Variants in F7 observed in about 807,000 individuals in gnomAD.
The protein encoded by F7 is FVII coagulation protein.
F7 carries 38 observed loss-of-function variants against 47.5 expected under a neutral mutation model. That is an observed-to-expected ratio of 0.80 (90% confidence interval 0.62 to 1.05). The LOEUF is 1.05. F7 is among the 50% of genes least tolerant of loss of function. The probability of loss-of-function intolerance (pLI) is 0.00; values close to 1 mark genes in which losing one functional copy is unlikely to be tolerated. For missense variants in F7, 575 were observed against 605.4 expected (o/e 0.95, Z 0.53); for synonymous variants, 244 against 258.5 (o/e 0.94, Z 0.54).
In F7 at chr13:113,118,879, G is replaced by T; in HGVS notation, c.1206G>T (p.Trp402Cys). 6.2e-7 allele frequency: 1 copy of T among 1,612,714 alleles called. No individual in the cohort carries two copies. The highest frequency in any genetic ancestry group is 8.5e-7 in the Non-Finnish European group (1 of 1,179,886). Residue 402 changes from tryptophan (W) to cysteine (C), a missense_variant, in exon 8 of 8, where the codon TGG (tryptophan) becomes TGT (cysteine). By Grantham distance (215) the Trp-to-Cys change is radical. Coordinates refer to ENST00000346342, the MANE Select transcript of F7 (RefSeq NM_019616.4). ...GTWYLTGIVSWGQGCATVGHF... is the reference protein window; with the variant it reads ...GTWYLTGIVSCGQGCATVGHF... ...GGTACCTGACGGGCATCGTCAGCTGGGGCCAGGGCTGCGCAACCGTGGGCC... is the reference window on the plus strand; with the variant it reads ...GGTACCTGACGGGCATCGTCAGCTGTGGCCAGGGCTGCGCAACCGTGGGCC...
At chr13:113,116,661 C>T in intron 5 of F7, 105 bp from the exon 6 acceptor site, 1 of 948,764 alleles carries the variant, frequency 1.1e-6, no homozygotes, top group South Asian at 1.3e-5. Flanking sequence ...CCTCCCATAG[C>T]CTCGGCCTCA....
At chr13:113,115,911 A>C in intron 5 of F7, 111 bp downstream of exon 5, 1 of 1,454,326 alleles carries the variant, frequency 6.9e-7, no homozygotes, top group South Asian at 1.2e-5. Context: ...CTGAGCACTA[A>C]CTATGCACTG....
chr13:113,106,115 C>G (rs1013536208), intron 1 of F7, among the ~76,000 whole-genome samples: 1 of 150,016 alleles, frequency 6.7e-6, no homozygotes, highest in East Asian at 2.1e-4. Context: ...CAGGCTTTGG[C>G]GGGATTATTT....
Position 113,116,842 on chromosome 13 carries a change from C to T in F7, c.582C>T (p.Gly194=). ...ASKPQGRIVG[G]KVCPKGECPW... Reference sequence around the variant, plus strand: ...AACCCCAAGGCCGAATTGTGGGGGGCAAGGTGTGCCCCAAAGGGGAGTGTC... The same window carrying T: ...AACCCCAAGGCCGAATTGTGGGGGGTAAGGTGTGCCCCAAAGGGGAGTGTC... The change falls in exon 6 of 8, where the codon GGC becomes GGT. Residue 194 remains glycine, a synonymous_variant. Transcript: ENST00000346342. 1 of 1,613,762 alleles carries T rather than the reference C, an allele frequency of 6.2e-7. No homozygotes were observed. The highest frequency in any genetic ancestry group is 8.5e-7 in the Non-Finnish European group (1 of 1,179,990).
At chr13:113,117,119 C>T (rs939009706) in intron 6 of F7, 14 of 622,186 alleles carry the variant, frequency 2.3e-5, no homozygotes, top group African/African-American at 1.1e-4. Flanking sequence ...ATGCCCCATC[C>T]GAGTTGTCAC....
chr13:113,118,948 G>C lies in F7; in HGVS notation c.1275G>C (p.Leu425=). The C allele has an allele frequency of 1.2e-6, 2 of 1,608,548 alleles. No individual in the cohort carries two copies. Among genetic ancestry groups the C allele is most frequent in the Non-Finnish European group, 1.7e-6 (2 of 1,179,954 alleles). Residue 425 remains leucine (L), a synonymous_variant, in exon 8 of 8, where the codon CTG becomes CTC. Transcript: ENST00000346342. ...YTRVSQYIEW[L]QKLMRSEPRP... is the part of the protein sequence containing the mutation. ...GGGTCTCCCAGTACATCGAGTGGCT[G>C]CAAAAGCTCATGCGCTCAGAGCCAC...
chr13:113,113,837 C>T lies in F7; in HGVS notation c.251-10C>T, dbSNP rs1258035713. ...CCTTCTCAGCTTACTGACACCAGCC[C>T]ACTCCACAGATGGGGACCAGTGTGC... is the stretch of plus-strand genomic sequence containing the variant. On this transcript the variant is annotated splice_polypyrimidine_tract_variant and intron_variant, in intron 3 of 7. Coordinates refer to ENST00000346342, the MANE Select transcript of F7 (RefSeq NM_019616.4). This position sits in a 1 kb window ranked among gnomAD's most constrained non-coding sequence, Gnocchi z 4.1. 1 of 1,614,212 alleles carries T rather than the reference C, an allele frequency of 6.2e-7. No homozygotes were observed. The highest frequency in any genetic ancestry group is 1.6e-4 in the Middle Eastern group (1 of 6,062).
intron 4 of F7, 109 bp downstream of exon 4, chr13:113,114,069 G>T: frequency 9.0e-7 from 1 of 1,116,140 alleles, no homozygotes; most frequent in Non-Finnish European, 1.3e-6. Flanking sequence ...TGTGTAGGCC[G>T]GGCATTCAGG....
intron 1 of F7, among the ~76,000 whole-genome samples, chr13:113,108,634 G>A (rs1395646223): frequency 2.8e-5 from 3 of 106,354 alleles, no homozygotes; most frequent in African/African-American, 8.0e-5. Flanking sequence ...GGTGTCCCGG[G>A]GGCGTGGGTG....
chr13:113,115,562 G>T, intron 4 of F7, 98 bp from the exon 5 acceptor site: 1 of 1,391,778 alleles, frequency 7.2e-7, no homozygotes. Context: ...CACCTTCCAG[G>T]CAGAACACCA....
intron 2 of F7, 63 bp downstream of exon 2, chr13:113,110,913 G>C: frequency 6.6e-7 from 1 of 1,520,770 alleles, no homozygotes; most frequent in Admixed American, 2.0e-5. Context: ...ACCAGGCCGC[G>C]TGGGGCCGCC....
chr13:113,109,811 C>T (rs1442895246), intron 1 of F7, among the ~76,000 whole-genome samples: 1 of 152,196 alleles, frequency 6.6e-6, no homozygotes, highest in Non-Finnish European at 1.5e-5. Context: ...TCCACCACCG[C>T]GTGGTGCCCA....
chr13:113,115,734 A>G lies in F7; in HGVS notation c.439A>G (p.Lys147Glu). ...EQYCSDHTGT[K>E]RSCRCHEGYS... is the part of the protein sequence containing the mutation. ...GTACTGCAGTGACCACACGGGCACC[A>G]AGCGCTCCTGTCGGTGCCACGAGGG... Residue 147 changes from lysine (K) to glutamate (E), a missense_variant, in exon 5 of 8, where the codon AAG becomes GAG. Physicochemically the swap from Lys to Glu is moderately conservative, Grantham distance 56 (BLOSUM62 1). Transcript: ENST00000346342. 6.2e-7 allele frequency: 1 copy of G among 1,613,144 alleles called. No homozygotes were observed. Among genetic ancestry groups the G allele is most frequent in the South Asian group, 1.1e-5 (1 of 91,074 alleles).
intron 1 of F7, among the ~76,000 whole-genome samples, chr13:113,109,435 G>A (rs1175949874): frequency 6.6e-6 from 1 of 152,142 alleles, no homozygotes; most frequent in African/African-American, 2.4e-5. Flanking sequence ...AGTTCTCTAG[G>A]GGCGTCGACG....
intron 1 of F7, among the ~76,000 whole-genome samples, chr13:113,108,723 C>A (rs1595069661): frequency 4.2e-4 from 22 of 52,428 alleles, no homozygotes; most frequent in East Asian, 1.0e-3. Context: ...TCCCGGGGGT[C>A]GTGGGTGTCC....
chr13:113,118,286 G>C, intron 7 of F7, 127 bp from the exon 8 acceptor site: 1 of 1,090,972 alleles, frequency 9.2e-7, no homozygotes, highest in Non-Finnish European at 1.3e-6. Flanking sequence ...GTTAGATGCA[G>C]GTCCCCTTGC....
At chr13:113,115,449 G>A (rs757286198) in intron 4 of F7, among the ~76,000 whole-genome samples, 5 of 152,220 alleles carry the variant, frequency 3.3e-5, no homozygotes, top group African/African-American at 4.8e-5. Flanking sequence ...CCACTGGCAA[G>A]GCTGTTCAGA....
intron 6 of F7, chr13:113,117,150 T>C: frequency 1.7e-6 from 1 of 602,860 alleles, no homozygotes; most frequent in East Asian, 2.8e-5. Context: ...CGGTTACTCT[T>C]TGAGGTGGGA....
chr13:113,113,726 C>A lies in F7; in HGVS notation c.226-26C>A, dbSNP rs779496924. ...GGTGCTCTGGTGAAGGTGCATCTCA[C>A]GAGGCTTGCTCTCTTGTTCCTTCAG... On this transcript the variant is annotated intron_variant, in intron 2 of 7. Transcript: ENST00000346342. The surrounding 1 kb of genome is among the most constrained non-coding windows in gnomAD (Gnocchi z 4.1). 3 of 1,611,470 alleles carry A rather than the reference C, an allele frequency of 1.9e-6. No homozygotes were observed. Among genetic ancestry groups the A allele is most frequent in the South Asian group, 2.2e-5 (2 of 91,022 alleles).
Sources: allele counts gnomAD v4.1 joint callset (sites outside exome capture counted in the v4.1 genomes callset), GRCh38; gene constraint gnomAD v4.1.1; non-coding constraint Gnocchi (gnomAD v3.1); transcripts MANE v1.5; gene names NCBI Gene and HGNC (gene_info 2026-07-23, HGNC 2026-07-21).